Variants in MLIP observed in about 807,000 individuals in gnomAD.
The protein encoded by MLIP is muscular LMNA interacting protein, also known as muscular LMNA-interacting protein.
A neutral mutation model predicts 84.8 loss-of-function variants in MLIP; 79 were observed. That is an observed-to-expected ratio of 0.93 (90% CI 0.78 to 1.12). The LOEUF (loss-of-function observed/expected upper bound fraction) is 1.12, where lower values mean the gene tolerates loss of function less well. Among genes scored for constraint, MLIP ranks in the 50% most tolerant of loss-of-function variants. The pLI is 0.00. For missense variants in MLIP, 1,257 were observed against 1,160.6 expected, an observed-to-expected ratio of 1.08 and a Z score of -1.21; for synonymous variants, 504 against 463.0, an observed-to-expected ratio of 1.09 and a Z score of -1.14.
At chr6:54,182,428 C>T (rs1178711073) in intron 9 of MLIP, among the ~76,000 whole-genome samples, 2 of 152,190 alleles carry the variant, frequency 1.3e-5, no homozygotes, top group African/African-American at 4.8e-5. Context: ...ACTGTCTCTC[C>T]AACCCCCTTC....
chr6:54,071,273 A>G (rs921894259), intron 1 of MLIP, among the ~76,000 whole-genome samples: 2 of 152,148 alleles, frequency 1.3e-5, no homozygotes, highest in African/African-American at 4.8e-5. Flanking sequence ...ATTTTAATGA[A>G]CATGACAAAC....
rs1186444351 is a variant in MLIP at position 54,067,612 on chromosome 6, C to T, written c.63+48521C>T. ...TTCTCCAAGTTAAGGCTAAATTTTA[C>T]TGCTCTCTTCTAAACAGGCAATCAG... is the stretch of plus-strand genomic sequence containing the variant. On this transcript the variant is annotated intron_variant, in intron 1 of 12. Coordinates refer to the MLIP transcript ENST00000274897. 2.0e-5 allele frequency among the ~76,000 whole-genome samples: 2 copies of T among 101,326 alleles called. 1 individual carries two copies. Among genetic ancestry groups the T allele is most frequent in the Non-Finnish European group, 5.7e-5 (2 of 35,228 alleles). The allele number at this position is 101,326 out of a possible 152,430, so 66.5% of individuals were successfully genotyped here.
intron 8 of MLIP, among the ~76,000 whole-genome samples, chr6:54,162,661 A>T (rs981559516): frequency 6.6e-6 from 1 of 151,896 alleles, no homozygotes; most frequent in Admixed American, 6.6e-5. Flanking sequence ...AAGGAGAGAG[A>T]ATACTGCAGG....
At chr6:54,079,168 G>T (rs1766984753) in intron 1 of MLIP, among the ~76,000 whole-genome samples, 1 of 152,110 alleles carries the variant, frequency 6.6e-6, no homozygotes, top group South Asian at 2.1e-4. Context: ...CTAGGAAATG[G>T]AGTTTTCACT....
At chr6:54,231,412 T>C (rs1349914304) in intron 12 of MLIP, among the ~76,000 whole-genome samples, 5 of 152,136 alleles carry the variant, frequency 3.3e-5, no homozygotes, top group African/African-American at 1.2e-4. Context: ...TCACTGTGTA[T>C]AGTAACGCGA....
intron 1 of MLIP, among the ~76,000 whole-genome samples, chr6:54,112,758 T>C (rs1477256875): frequency 6.6e-6 from 1 of 152,146 alleles, no homozygotes; most frequent in Non-Finnish European, 1.5e-5. Context: ...TAGAAAGAAA[T>C]AGGTTTTCTT....
Position 54,137,340 on chromosome 6 carries a change from A to C in MLIP, c.1271A>C (p.Asn424Thr). 6.5e-7 allele frequency: 1 copy of C among 1,535,116 alleles called. No homozygotes were observed. Among genetic ancestry groups the C allele is most frequent in the Non-Finnish European group, 8.7e-7 (1 of 1,146,638 alleles). The change falls in exon 4 of 14, where the codon AAC becomes ACC. Residue 424 changes from asparagine to threonine, a missense_variant. By Grantham distance (65) the Asn-to-Thr change is moderately conservative. Transcript: ENST00000502396. ...LALLTAILKS[N>T]PSHQRPFSPA... ...CTTCTCACTGCCATTCTCAAGTCAA[A>C]CCCTTCCCACCAAAGACCCTTTTCC...
chr6:54,168,361 C>T (rs1307224234), intron 8 of MLIP, among the ~76,000 whole-genome samples: 1 of 151,672 alleles, frequency 6.6e-6, no homozygotes, highest in East Asian at 1.9e-4. Flanking sequence ...TCTAGGTGTT[C>T]CAGAAAAATA....
In MLIP at chr6:54,227,922, G is replaced by A. The variant is rs372332029; in HGVS notation, c.2719-2792G>A. On this transcript the variant is annotated intron_variant, in intron 11 of 13. Transcript: ENST00000502396. ...ATCCAGGCCGGGCGCAGTGGCTCAC[G>A]CCTGCAATCCCAGCACTTTGGGAGG... Among the ~76,000 whole-genome samples the A allele has an allele frequency of 2.1e-3, 322 of 152,216 alleles. 2 individuals are homozygous for A. The highest frequency in any genetic ancestry group is 7.4e-3 in the African/African-American group (307 of 41,526).
chr6:54,054,224 C>T (rs1362245224), intron 1 of MLIP, among the ~76,000 whole-genome samples: 1 of 152,110 alleles, frequency 6.6e-6, no homozygotes, highest in East Asian at 1.9e-4. Flanking sequence ...CTGAGTCATG[C>T]AGTAAGTTTA....
chr6:54,206,880 C>T (rs547653891), intron 11 of MLIP, among the ~76,000 whole-genome samples: 1 of 152,330 alleles, frequency 6.6e-6, no homozygotes, highest in East Asian at 1.9e-4. Flanking sequence ...GGCTTTGTCA[C>T]AAACTACCAC....
rs78450161 is a variant in MLIP at position 54,174,590 on chromosome 6, A to G, written c.2544+5018A>G. ...TGAAATCTTTTGCCGATTTTAAACT[A>G]CAATTATAATACTTTATGATAGAGC... is the stretch of plus-strand genomic sequence containing the variant. On this transcript the variant is annotated intron_variant, in intron 9 of 13. Transcript: ENST00000502396. Among the ~76,000 whole-genome samples, 612 of 151,902 alleles carry G rather than the reference A, an allele frequency of 4.0e-3. 4 individuals carry two copies. Among genetic ancestry groups the G allele is most frequent in the African/African-American group, 0.014 (587 of 41,536 alleles).
At chr6:54,033,497 C>T (rs1764256724) in intron 1 of MLIP, among the ~76,000 whole-genome samples, 2 of 152,174 alleles carry the variant, frequency 1.3e-5, no homozygotes, top group Non-Finnish European at 1.5e-5. Flanking sequence ...GAACTCCTGG[C>T]TTCGTAATCC....
chr6:54,202,068 T>A, intron 10 of MLIP, 37 bp from the exon 11 acceptor site: 1 of 1,430,048 alleles, frequency 7.0e-7, no homozygotes, highest in Non-Finnish European at 9.3e-7. Context: ...TAGTGTTTTT[T>A]TCCTGTTTTT....
intron 1 of MLIP, among the ~76,000 whole-genome samples, chr6:54,093,329 AATTCTATTCTATTCTATTCT>A (rs70980891): frequency 1.2e-3 from 163 of 134,076 alleles, no homozygotes; most frequent in Admixed American, 2.8e-3. Context: ...TTTTCGATTA[AATTCTATTCTATTCTATTCT>A]ATTCTATTCT....
At chr6:54,213,722 A>ACG (rs1554185727) in intron 11 of MLIP, among the ~76,000 whole-genome samples, 1 of 122,810 alleles carries the variant, frequency 8.1e-6, no homozygotes, top group African/African-American at 3.6e-5. Context: ...AAAAAAAAAA[A>ACG]AAAAAAAAAA....
At chr6:54,177,941 G>A (rs1776463816) in intron 9 of MLIP, among the ~76,000 whole-genome samples, 1 of 152,040 alleles carries the variant, frequency 6.6e-6, no homozygotes, top group African/African-American at 2.4e-5. Context: ...AACTAATACA[G>A]GAACAGAAAA....
intron 12 of MLIP, among the ~76,000 whole-genome samples, chr6:54,245,545 T>A (rs1782022022): frequency 1.3e-5 from 2 of 152,186 alleles, no homozygotes; most frequent in Admixed American, 6.6e-5. Flanking sequence ...CATGCATTAT[T>A]AACCCTGAAA....
At chr6:54,199,647 G>C (rs148407658) in intron 10 of MLIP, among the ~76,000 whole-genome samples, 50 of 152,210 alleles carry the variant, frequency 3.3e-4, no homozygotes, top group Middle Eastern at 3.4e-3. Context: ...TGGACCAATA[G>C]TGAGAGATGG....
Sources: allele counts gnomAD v4.1 joint callset (sites outside exome capture counted in the v4.1 genomes callset), GRCh38; gene constraint gnomAD v4.1.1; transcripts MANE v1.5; gene names NCBI Gene and HGNC (gene_info 2026-07-23, HGNC 2026-07-21).